The following IGF2BP1 variants were observed in gnomAD, a reference collection of about 807,000 sequenced individuals.
The protein encoded by IGF2BP1 is insulin-like growth factor 2 mRNA-binding protein 1.
IGF2BP1 carries 11 observed loss-of-function variants against 74.9 expected under a neutral mutation model. The ratio of observed to expected loss-of-function variants is 0.15; its 90% CI spans 0.09 to 0.24. The LOEUF is 0.24. Ranked by LOEUF, IGF2BP1 falls within the 10% of genes least tolerant of loss-of-function variation. The pLI is 1.00. For missense variants in IGF2BP1, 440 were observed against 757.4 expected (o/e 0.58, Z 4.92); for synonymous variants, 287 against 281.8 (o/e 1.02, Z -0.18).
chr17:49,047,330 T>C (rs979666250), intron 14 of IGF2BP1, among the ~76,000 whole-genome samples: 5 of 152,006 alleles, frequency 3.3e-5, no homozygotes, highest in African/African-American at 9.7e-5. Context: ...CTCAACTATA[T>C]ATATATATAA....
rs771403201 is a variant in IGF2BP1, at chr17:49,041,433, A to G, written c.874A>G (p.Ile292Val). 1 of 1,614,086 alleles carries G rather than the reference A, an allele frequency of 6.2e-7. No individual in the cohort carries two copies. The highest frequency in any genetic ancestry group is 1.1e-5 in the South Asian group (1 of 91,066). ...CCATAATAACTTTGTAGGGCGTCTC[A>G]TTGGCAAGGAAGGACGGAACCTGAA... Reference protein sequence around the residue: ...LAHNNFVGRLIGKEGRNLKKV... With the variant: ...LAHNNFVGRLVGKEGRNLKKV... Residue 292 changes from isoleucine to valine, a missense_variant, in exon 8 of 15, where the codon ATT becomes GTT. By Grantham distance (29) the Ile-to-Val change is conservative (BLOSUM62 3). Coordinates refer to ENST00000290341, the MANE Select transcript of IGF2BP1 (RefSeq NM_006546.4).
chr17:49,008,571 C>T (rs1466357975), intron 2 of IGF2BP1, among the ~76,000 whole-genome samples: 1 of 152,184 alleles, frequency 6.6e-6, no homozygotes, highest in African/African-American at 2.4e-5. Context: ...TTCCACTCTT[C>T]TACCCTTTCC....
chr17:49,026,980 A>AC (rs2041866136), intron 4 of IGF2BP1, among the ~76,000 whole-genome samples: 1 of 152,056 alleles, frequency 6.6e-6, no homozygotes, highest in African/African-American at 2.4e-5. Flanking sequence ...TGACCTTGTG[A>AC]CCCACCCGCC....
At chr17:49,026,719 GCCTGCCTTCCTGCCTTCCTGCCTGCCTT>G (rs1438986441) in intron 4 of IGF2BP1, among the ~76,000 whole-genome samples, 7 of 106,536 alleles carry the variant, frequency 6.6e-5, no homozygotes, top group Admixed American at 1.9e-4. Context: ...CTGCCTTCCT[GCCTGCCTTCCTGCCTTCCTGCCTGCCTT>G]CCTGCCTTCC....
chr17:49,016,490 C>T (rs1459710743), intron 2 of IGF2BP1, among the ~76,000 whole-genome samples: 1 of 152,090 alleles, frequency 6.6e-6, no homozygotes, highest in African/African-American at 2.4e-5. Context: ...GTAGAAGAGC[C>T]CTCCAGAGGA....
chr17:49,020,367 A>G (rs1305952360), intron 2 of IGF2BP1, among the ~76,000 whole-genome samples: 1 of 152,098 alleles, frequency 6.6e-6, no homozygotes, highest in Non-Finnish European at 1.5e-5. Context: ...AAGGAAGGGA[A>G]TTAACACGCC....
At chr17:49,024,327 T>C (rs1325457317) in intron 2 of IGF2BP1, among the ~76,000 whole-genome samples, 1 of 151,944 alleles carries the variant, frequency 6.6e-6, no homozygotes, top group Admixed American at 6.6e-5. Flanking sequence ...GCTGGGAGGA[T>C]CACTCGATCG....
rs574660242 is a variant in IGF2BP1 at position 49,043,985 on chromosome 17, A to G, written c.1219A>G (p.Met407Val). ...SSFMQAPEQE[M>V]VQVFIPAQAV... ...CTGGCAGCAGGCTCCCGAGCAGGAG[A>G]TGGTGCAGGTGTTTATCCCCGCCCA... Residue 407 changes from methionine (M) to valine (V), a missense_variant, in exon 11 of 15, where the codon ATG becomes GTG. Transcript: ENST00000290341. 2.5e-6 allele frequency: 4 copies of G among 1,613,894 alleles called. No homozygotes were observed. In the Admixed American group the frequency reaches 6.7e-5, roughly 27 times the overall value.
intron 2 of IGF2BP1, among the ~76,000 whole-genome samples, chr17:49,009,636 G>A (rs1249453441): frequency 6.6e-6 from 1 of 151,952 alleles, no homozygotes; most frequent in Non-Finnish European, 1.5e-5. Flanking sequence ...TTGAACCTGG[G>A]AGGCAGAGGT....
intron 2 of IGF2BP1, among the ~76,000 whole-genome samples, chr17:49,010,355 C>T (rs1438792717): frequency 7.3e-5 from 10 of 136,288 alleles, no homozygotes; most frequent in East Asian, 4.5e-4. Flanking sequence ...CTTGCTCTGT[C>T]GCCCAGGCTG....
chr17:48,998,937 C>T (rs972149901), intron 1 of IGF2BP1, among the ~76,000 whole-genome samples, 172 bp from the exon 2 acceptor site: 1 of 152,084 alleles, frequency 6.6e-6, no homozygotes, highest in Non-Finnish European at 1.5e-5. Flanking sequence ...CAGACTCCAC[C>T]ATTCCTAGAG....
intron 2 of IGF2BP1, among the ~76,000 whole-genome samples, chr17:49,019,316 C>T (rs2041746527): frequency 6.6e-6 from 1 of 152,138 alleles, no homozygotes; most frequent in South Asian, 2.1e-4. Flanking sequence ...GCCCTTGTCT[C>T]CTTCCAACCC....
rs753234171 is a variant in IGF2BP1 at position 49,054,108 on chromosome 17, C to T, written c.*4664C>T. ...TTTCCTTTGGATACATAAGGCTTCT[C>T]TATCGGGGTACGGGACAGGGAGGAG... On this transcript the variant is annotated 3_prime_UTR_variant, in exon 15 of 15. Transcript: ENST00000290341. The T allele has an allele frequency of 6.5e-6, 1 of 152,700 alleles. No individual in the cohort carries two copies. Among genetic ancestry groups the T allele is most frequent in the Non-Finnish European group, 1.5e-5 (1 of 68,078 alleles). 9.5% of individuals were successfully genotyped at this position (152,700 alleles called of 1,614,324 possible).
At chr17:49,019,224 C>G (rs1367616504) in intron 2 of IGF2BP1, among the ~76,000 whole-genome samples, 2 of 152,180 alleles carry the variant, frequency 1.3e-5, no homozygotes, top group Non-Finnish European at 2.9e-5. Flanking sequence ...CCCATTCACA[C>G]TGTGCACAGT....
At chr17:49,042,792 T>A (rs1174677556) in intron 9 of IGF2BP1, among the ~76,000 whole-genome samples, 1 of 152,126 alleles carries the variant, frequency 6.6e-6, no homozygotes, top group Non-Finnish European at 1.5e-5. Context: ...TACTCCTGCT[T>A]CAGCCTCCCA....
chr17:49,025,254 A>G lies in IGF2BP1; in HGVS notation c.237-364A>G, dbSNP rs371710727. On this transcript the variant is annotated intron_variant, in intron 2 of 14. Coordinates refer to ENST00000290341, the MANE Select transcript of IGF2BP1 (RefSeq NM_006546.4). ...TAGCTTTGTATTCCTAGTGCCTGGA[A>G]CATAGTCATGGTAACCTGCTTACTG... is the stretch of plus-strand genomic sequence containing the variant. 7.2e-4 allele frequency among the ~76,000 whole-genome samples: 109 copies of G among 152,060 alleles called. 2 individuals are homozygous for G. The South Asian group carries it at 0.021, about 30-fold the overall frequency.
In IGF2BP1 at chr17:49,019,997, CACACACACACACATATATAT is replaced by C. The variant is rs1434632069; in HGVS notation, c.237-5600_237-5581del. ...ACACATACACCCACACATATATATA[CACACACACACACATATATAT>C]ACACACACACACATATATATGTATG... On this transcript the variant is annotated intron_variant, in intron 2 of 14. Coordinates refer to ENST00000290341, the MANE Select transcript of IGF2BP1 (RefSeq NM_006546.4). Among the ~76,000 whole-genome samples the C allele has an allele frequency of 3.1e-4, 29 of 94,492 alleles. 1 individual carries two copies. The highest frequency in any genetic ancestry group is 8.8e-4 in the African/African-American group (17 of 19,348). The allele number at this position is 94,492 out of a possible 152,430, so 62.0% of individuals were successfully genotyped here.
chr17:49,040,450 C>CT lies in IGF2BP1; in HGVS notation c.818+359_818+360insT, dbSNP rs2042037996. 8.5e-5 allele frequency among the ~76,000 whole-genome samples: 13 copies of CT among 152,210 alleles called. No homozygotes were observed. In the South Asian group the frequency reaches 2.7e-3, roughly 32 times the overall value. On this transcript the variant is annotated intron_variant, in intron 7 of 14. Coordinates refer to ENST00000290341, the MANE Select transcript of IGF2BP1 (RefSeq NM_006546.4). ...CAGGCTGGTCTTGAACTCCTGGACT[C>CT]AAGTGACCCACCCAGCTCAGCCTCC...
intron 2 of IGF2BP1, among the ~76,000 whole-genome samples, chr17:49,022,764 G>A (rs1011242318): frequency 2.0e-5 from 3 of 152,144 alleles, no homozygotes; most frequent in African/African-American, 7.2e-5. Flanking sequence ...CTAAAACTGG[G>A]AGTTTGAAGT....
Sources: gnomAD v4.1 joint callset for allele counts (sites outside exome capture counted in the v4.1 genomes callset) on GRCh38, gnomAD v4.1.1 for gene constraint, MANE v1.5 for transcripts, NCBI Gene and HGNC (gene_info 2026-07-23, HGNC 2026-07-21) for gene names.